The following PLEKHO2 variants were observed in gnomAD, a reference collection of about 807,000 sequenced individuals.
PLEKHO2 encodes pleckstrin homology domain containing O2.
In PLEKHO2, 20 loss-of-function variants were observed where a neutral mutation model predicts 32.7. The observed-to-expected ratio is 0.61, with a 90% CI of 0.43 to 0.89. The LOEUF is 0.89. Ranked by LOEUF, PLEKHO2 falls within the 40% of genes least tolerant of loss-of-function variation. The pLI, the probability that PLEKHO2 is intolerant of heterozygous loss-of-function variation, is 0.00. For synonymous variants in PLEKHO2, 247 were observed against 246.3 expected (o/e 1.00, Z -0.03); for missense variants, 568 against 621.2 (o/e 0.91, Z 0.91).
Position 64,860,092 on chromosome 15 carries a change from A to T in PLEKHO2, c.384+94A>T, listed in dbSNP as rs1214412457. 5.6e-6 allele frequency: 6 copies of T among 1,071,878 alleles called. No individual in the cohort carries two copies. The East Asian group carries it at 1.4e-4, about 26-fold the overall frequency. The allele number at this position is 1,071,878 out of a possible 1,614,324, so 66.4% of individuals were successfully genotyped here. On this transcript the variant is annotated intron_variant, in intron 4 of 5. Coordinates refer to ENST00000323544, the MANE Select transcript of PLEKHO2 (RefSeq NM_025201.5). ...ACCCTGCCCCTCCTTACCCCAGACTACCCCTTGATTATGTCACTGCTATGG... is the reference window on the plus strand; with the variant it reads ...ACCCTGCCCCTCCTTACCCCAGACTTCCCCTTGATTATGTCACTGCTATGG...
chr15:64,847,523 A>T (rs886160336), intron 1 of PLEKHO2, among the ~76,000 whole-genome samples: 2 of 151,920 alleles, frequency 1.3e-5, no homozygotes, highest in Non-Finnish European at 2.9e-5. Context: ...TTTCACGCGT[A>T]CCTCTTGAGC....
chr15:64,854,782 A>G (rs1223936971), intron 2 of PLEKHO2, 139 bp from the exon 3 acceptor site: 8 of 650,938 alleles, frequency 1.2e-5, no homozygotes, highest in African/African-American at 1.8e-5. Context: ...CATCTTGGTG[A>G]CTGATTGGCA....
chr15:64,859,872 A>G (rs1364295951), intron 3 of PLEKHO2, 22 bp from the exon 4 acceptor site: 39 of 1,594,464 alleles, frequency 2.4e-5, no homozygotes, highest in Non-Finnish European at 3.3e-5. Flanking sequence ...TCTGCCATCT[A>G]CTCCATCCAT....
Position 64,865,219 on chromosome 15 carries a change from C to T in PLEKHO2, c.804C>T (p.Asp268=), listed in dbSNP as rs758887239. Residue 268 remains aspartate, a synonymous_variant, in exon 6 of 6, where the codon GAC becomes GAT. Transcript: ENST00000323544. The part of the protein sequence containing the change: ...SEQPPNSVLP[D]KLKVSWENPS... ...AGCCTCCCAACAGCGTCCTGCCTGA[C>T]AAACTGAAGGTGAGCTGGGAGAACC... The T allele has an allele frequency of 2.3e-5, 37 of 1,614,048 alleles. No individual in the cohort carries two copies. Among genetic ancestry groups the T allele is most frequent in the Non-Finnish European group, 2.9e-5 (34 of 1,180,026 alleles).
chr15:64,847,696 C>G (rs912664090), intron 1 of PLEKHO2, among the ~76,000 whole-genome samples: 12 of 152,128 alleles, frequency 7.9e-5, no homozygotes, highest in Non-Finnish European at 1.3e-4. Context: ...GGGTGTCTAC[C>G]CAAGTCCAAG....
chr15:64,867,199 CT>C lies in PLEKHO2; in HGVS notation c.*1315del, dbSNP rs1206547574. 2.0e-5 allele frequency: 3 copies of C among 152,592 alleles called. No homozygotes were observed. The highest frequency in any genetic ancestry group is 7.2e-5 in the African/African-American group (3 of 41,408). The allele number at this position is 152,592 out of a possible 1,614,324, so 9.5% of individuals were successfully genotyped here. On this transcript the variant is annotated 3_prime_UTR_variant, in exon 6 of 6. Transcript: ENST00000323544. The stretch of plus-strand genomic sequence containing the variant: ...ACCTGCCCAGATTTCTGCATGTGCA[CT>C]TTTGTTTACTGAAAGAGAGAAAGGG...
chr15:64,865,592 G>T lies in PLEKHO2; in HGVS notation c.1177G>T (p.Asp393Tyr), dbSNP rs1262482808. ...QFHPRCSSLG[D>Y]LLGEGPRHPL... ...CCATCCCCGCTGCTCCTCCCTTGGGGACTTGCTTGGGGAAGGCCCGCGGCA... is the reference window on the plus strand; with the variant it reads ...CCATCCCCGCTGCTCCTCCCTTGGGTACTTGCTTGGGGAAGGCCCGCGGCA... Residue 393 changes from aspartate to tyrosine, a missense_variant, in exon 6 of 6, where the codon GAC becomes TAC. Coordinates refer to ENST00000323544, the MANE Select transcript of PLEKHO2 (RefSeq NM_025201.5). 4 of 1,614,254 alleles carry T rather than the reference G, an allele frequency of 2.5e-6. No individual in the cohort carries two copies. Among genetic ancestry groups the T allele is most frequent in the South Asian group, 2.2e-5 (2 of 91,092 alleles).
At chr15:64,851,869 G>A (rs1555436961) in intron 2 of PLEKHO2, among the ~76,000 whole-genome samples, 1 of 152,152 alleles carries the variant, frequency 6.6e-6, no homozygotes, top group Non-Finnish European at 1.5e-5. Context: ...CACGGGGCAA[G>A]TAAGCTGCTC....
At chr15:64,842,378 C>CTGTG (rs777446391) in intron 1 of PLEKHO2, among the ~76,000 whole-genome samples, 1,676 of 22,656 alleles carry the variant, frequency 0.074, 106 homozygotes, top group African/African-American at 0.14. Flanking sequence ...GATCCTGACT[C>CTGTG]TCTCTCTCTC....
At chr15:64,842,380 C>CTGTGTGTG (rs1282999932) in intron 1 of PLEKHO2, among the ~76,000 whole-genome samples, 11 of 33,084 alleles carry the variant, frequency 3.3e-4, no homozygotes, top group Admixed American at 9.7e-4. Flanking sequence ...TCCTGACTCT[C>CTGTGTGTG]TCTCTCTCTC....
chr15:64,849,632 A>AG (rs1197398943), intron 2 of PLEKHO2, among the ~76,000 whole-genome samples: 1 of 150,904 alleles, frequency 6.6e-6, no homozygotes, highest in Non-Finnish European at 1.5e-5. Flanking sequence ...TAGTAGAGAC[A>AG]GGGTTTCACC....
At chr15:64,850,153 TC>T (rs2084556447) in intron 2 of PLEKHO2, among the ~76,000 whole-genome samples, 1 of 151,844 alleles carries the variant, frequency 6.6e-6, no homozygotes, top group Non-Finnish European at 1.5e-5. Flanking sequence ...AGAGTGAAAC[TC>T]CATCTCAAAA....
chr15:64,865,907 C>A lies in PLEKHO2; in HGVS notation c.*19C>A. 2 of 1,586,122 alleles carry A rather than the reference C, an allele frequency of 1.3e-6. No individual in the cohort carries two copies. The highest frequency in any genetic ancestry group is 8.5e-7 in the Non-Finnish European group (1 of 1,169,926). ...ACCCTAGGGCCTTCTGGGCCAGAGG[C>A]ACCATCCCTTCTGGCCATCCATCAA... is the stretch of plus-strand genomic sequence containing the variant. On this transcript the variant is annotated 3_prime_UTR_variant, in exon 6 of 6. Coordinates refer to ENST00000323544, the MANE Select transcript of PLEKHO2 (RefSeq NM_025201.5).
rs766071252 is a variant in PLEKHO2 at position 64,859,973 on chromosome 15, G to A, written c.359G>A (p.Arg120Gln). The A allele has an allele frequency of 7.4e-6, 12 of 1,614,034 alleles. No homozygotes were observed. The Admixed American group carries it at 1.3e-4, about 18-fold the overall frequency. Residue 120 changes from arginine (R) to glutamine (Q), a missense_variant, in exon 4 of 6, where the codon CGA (arginine) becomes CAA (glutamine). Arg to Gln is a conservative substitution (Grantham distance 43, BLOSUM62 1). Coordinates refer to ENST00000323544, the MANE Select transcript of PLEKHO2 (RefSeq NM_025201.5). ...AAAGCCCTCAATGAAGGGATTAACC[G>A]AGGCAAAAACAAGGCTTTCGATGAG... ...WIKALNEGIN[R>Q]GKNKAFDEVK... is the part of the protein sequence containing the mutation.
chr15:64,856,971 G>C (rs2084610272), intron 3 of PLEKHO2, among the ~76,000 whole-genome samples: 1 of 152,038 alleles, frequency 6.6e-6, no homozygotes, highest in South Asian at 2.1e-4. Context: ...AATAAACAAA[G>C]ACTCCAATGT....
chr15:64,853,257 GT>G (rs1290393600), intron 2 of PLEKHO2, among the ~76,000 whole-genome samples: 1 of 151,090 alleles, frequency 6.6e-6, no homozygotes, highest in African/African-American at 2.4e-5. Flanking sequence ...AGGCCTGGGG[GT>G]TTGCATTTCT....
intron 1 of PLEKHO2, 40 bp from the exon 2 acceptor site, chr15:64,848,553 G>A: frequency 6.2e-7 from 1 of 1,612,344 alleles, no homozygotes; most frequent in Non-Finnish European, 8.5e-7. Flanking sequence ...GTGACCCCAT[G>A]GTAGCAACCC....
rs942313025 is a variant in PLEKHO2 at position 64,866,447 on chromosome 15, C to T, written c.*559C>T. The T allele has an allele frequency of 8.8e-6, 4 of 455,390 alleles. No individual in the cohort carries two copies. The highest frequency in any genetic ancestry group is 1.8e-5 in the Non-Finnish European group (4 of 226,494). The allele number at this position is 455,390 out of a possible 1,614,324, so 28.2% of individuals were successfully genotyped here. On this transcript the variant is annotated 3_prime_UTR_variant, in exon 6 of 6. Coordinates refer to ENST00000323544, the MANE Select transcript of PLEKHO2 (RefSeq NM_025201.5). ...TCCCTCAGTTGGGGGGAACGTAGGA[C>T]CCAGCTGGAGCCTCTTGAGGGAGAT...
rs538788038 is a variant in PLEKHO2 at position 64,847,605 on chromosome 15, G to A, written c.13-988G>A. On this transcript the variant is annotated intron_variant, in intron 1 of 5. Coordinates refer to ENST00000323544, the MANE Select transcript of PLEKHO2 (RefSeq NM_025201.5). Reference sequence around the variant, plus strand: ...GTGGATCTGACCCCAACCTTATTTGGTAGGCATGTATCTGGCACCCAGCCA... The same window carrying A: ...GTGGATCTGACCCCAACCTTATTTGATAGGCATGTATCTGGCACCCAGCCA... Among the ~76,000 whole-genome samples, 117 of 152,272 alleles carry A rather than the reference G, an allele frequency of 7.7e-4. 1 individual carries two copies. Among genetic ancestry groups the A allele is most frequent in the African/African-American group, 2.7e-3 (113 of 41,558 alleles).
Sources: gnomAD v4.1 joint callset for allele counts (sites outside exome capture counted in the v4.1 genomes callset) on GRCh38, gnomAD v4.1.1 for gene constraint, MANE v1.5 for transcripts, NCBI Gene and HGNC (gene_info 2026-07-23, HGNC 2026-07-21) for gene names.